The following GALNT17 variants were observed in gnomAD, a reference collection of about 807,000 sequenced individuals.
GALNT17 encodes polypeptide N-acetylgalactosaminyltransferase 17.
In GALNT17, 29 loss-of-function variants were observed where a neutral mutation model predicts 63.7. The observed-to-expected ratio is 0.46, with a 90% CI of 0.34 to 0.62. GALNT17 has a LOEUF of 0.62. Among genes scored for constraint, GALNT17 ranks in the 20% least tolerant of loss-of-function variants. The pLI is 0.01. For synonymous variants in GALNT17, 305 were observed against 318.3 expected (o/e 0.96, Z 0.45); for missense variants, 603 against 799.6 (o/e 0.75, Z 2.97).
At chr7:71,286,297 C>T (rs1263506534) in intron 1 of GALNT17, among the ~76,000 whole-genome samples, 4 of 152,298 alleles carry the variant, frequency 2.6e-5, no homozygotes, top group Middle Eastern at 3.4e-3. Context: ...ACTAAATCCC[C>T]CTGGAGTGAA....
At chr7:71,373,543 G>A (rs959223264) in intron 2 of GALNT17, among the ~76,000 whole-genome samples, 1 of 152,112 alleles carries the variant, frequency 6.6e-6, no homozygotes, top group African/African-American at 2.4e-5. Context: ...GGAGGTGAGC[G>A]GCGGGTGAGC....
intron 1 of GALNT17, among the ~76,000 whole-genome samples, chr7:71,179,251 C>T (rs548000740): frequency 6.6e-6 from 1 of 152,310 alleles, no homozygotes; most frequent in African/African-American, 2.4e-5. Flanking sequence ...CAAAAGAATG[C>T]AACCATTTGT....
intron 2 of GALNT17, among the ~76,000 whole-genome samples, chr7:71,338,906 C>A (rs76553314): frequency 0.039 from 5,902 of 152,260 alleles, 326 homozygotes; most frequent in African/African-American, 0.11. Flanking sequence ...TGTTAAATCT[C>A]TCTCTCTACC....
intron 6 of GALNT17, among the ~76,000 whole-genome samples, chr7:71,577,604 A>G (rs1024680130): frequency 2.6e-5 from 4 of 152,166 alleles, no homozygotes; most frequent in Non-Finnish European, 5.9e-5. Context: ...CTGTTGCTCC[A>G]TAACAGTCAC....
At chr7:71,656,023 C>T (rs1790823444) in intron 6 of GALNT17, among the ~76,000 whole-genome samples, 1 of 152,128 alleles carries the variant, frequency 6.6e-6, no homozygotes, top group African/African-American at 2.4e-5. Context: ...GACAATTTCG[C>T]TGCTTACTCC....
intron 1 of GALNT17, among the ~76,000 whole-genome samples, chr7:71,290,617 G>A (rs775983043): frequency 2.2e-4 from 34 of 152,276 alleles, no homozygotes; most frequent in Admixed American, 1.7e-3. Flanking sequence ...AAGGTCCTGG[G>A]TGGCTGGTCT....
intron 1 of GALNT17, among the ~76,000 whole-genome samples, chr7:71,278,584 G>A (rs1246489049): frequency 6.6e-6 from 1 of 152,230 alleles, no homozygotes; most frequent in Non-Finnish European, 1.5e-5. Context: ...AAGGAAAGAG[G>A]TTTGACTCAC....
intron 3 of GALNT17, among the ~76,000 whole-genome samples, chr7:71,415,128 C>T (rs1233817054): frequency 2.0e-5 from 3 of 152,036 alleles, no homozygotes; most frequent in South Asian, 2.1e-4. Flanking sequence ...TTTGGCCTCC[C>T]GAGTAGCCGG....
chr7:71,383,379 C>T (rs28557230), intron 2 of GALNT17, among the ~76,000 whole-genome samples: 17,507 of 152,188 alleles, frequency 0.12, 2,468 homozygotes, highest in African/African-American at 0.33. Flanking sequence ...AGATTACTTA[C>T]AATATCTAAT....
chr7:71,134,519 T>G (rs981403556), intron 1 of GALNT17, among the ~76,000 whole-genome samples: 1 of 152,090 alleles, frequency 6.6e-6, no homozygotes, highest in Non-Finnish European at 1.5e-5. Flanking sequence ...GAAAGGACGC[T>G]GCGGTCTTCT....
intron 5 of GALNT17, among the ~76,000 whole-genome samples, chr7:71,510,013 T>C (rs1788329870): frequency 1.3e-5 from 2 of 152,206 alleles, no homozygotes; most frequent in South Asian, 2.1e-4. Context: ...GGTGCAATCA[T>C]AGCTCACTGC....
chr7:71,177,168 A>G (rs942653691), intron 1 of GALNT17, among the ~76,000 whole-genome samples: 1 of 152,084 alleles, frequency 6.6e-6, no homozygotes, highest in African/African-American at 2.4e-5. Context: ...ATGTTCGAGG[A>G]CATTTACAGA....
intron 1 of GALNT17, among the ~76,000 whole-genome samples, chr7:71,189,012 A>G (rs904939217): frequency 6.6e-6 from 1 of 152,194 alleles, no homozygotes; most frequent in Admixed American, 6.5e-5. Context: ...GGAGGGGAAG[A>G]CTAGACAAAA....
intron 6 of GALNT17, among the ~76,000 whole-genome samples, chr7:71,586,698 A>G (rs1007773127): frequency 3.3e-5 from 5 of 150,826 alleles, no homozygotes; most frequent in African/African-American, 1.2e-4. Flanking sequence ...TTTTAATTGC[A>G]TGGCACACTG....
chr7:71,190,544 A>C (rs1177481038), intron 1 of GALNT17, among the ~76,000 whole-genome samples: 1 of 152,190 alleles, frequency 6.6e-6, no homozygotes, highest in Admixed American at 6.5e-5. Context: ...GAGCCAATTC[A>C]ATCTCTTTTC....
chr7:71,408,109 G>A (rs1793361728), intron 3 of GALNT17, among the ~76,000 whole-genome samples: 1 of 152,128 alleles, frequency 6.6e-6, no homozygotes, highest in Non-Finnish European at 1.5e-5. Context: ...GAGATGTTTG[G>A]GGTTTGCGTG....
At chr7:71,404,518 G>A (rs942577584) in intron 3 of GALNT17, among the ~76,000 whole-genome samples, 3 of 152,138 alleles carry the variant, frequency 2.0e-5, no homozygotes, top group Non-Finnish European at 4.4e-5. Flanking sequence ...ATTTAAGTCT[G>A]CAAAGCTGAG....
At chr7:71,507,471 T>C (rs1403988311) in intron 5 of GALNT17, among the ~76,000 whole-genome samples, 1 of 152,218 alleles carries the variant, frequency 6.6e-6, no homozygotes, top group Non-Finnish European at 1.5e-5. Context: ...GAAAACCTTG[T>C]CACAGGTCCA....
At chr7:71,221,710 C>G (rs959828264) in intron 1 of GALNT17, among the ~76,000 whole-genome samples, 1 of 152,168 alleles carries the variant, frequency 6.6e-6, no homozygotes, top group Non-Finnish European at 1.5e-5. Flanking sequence ...CTCTTTGCAT[C>G]TCTGCACGCT....
Sources: gnomAD v4.1 joint callset for allele counts (sites outside exome capture counted in the v4.1 genomes callset) on GRCh38, gnomAD v4.1.1 for gene constraint, MANE v1.5 for transcripts, NCBI Gene and HGNC (gene_info 2026-07-23, HGNC 2026-07-21) for gene names.